CHL1: variants seen among roughly 807,000 people sequenced by gnomAD.
CHL1 encodes the protein neural cell adhesion molecule L1-like protein.
A neutral mutation model predicts 141.9 loss-of-function variants in CHL1; 96 were observed. That is an observed-to-expected ratio of 0.68 (90% CI 0.57 to 0.80). The LOEUF is 0.80. CHL1 is among the 30% of genes least tolerant of loss of function. The probability of loss-of-function intolerance (pLI) is 0.00; values close to 1 mark genes in which losing one functional copy is unlikely to be tolerated. For missense variants in CHL1, 1,820 were observed against 1,457.2 expected (o/e 1.25, Z -4.05); for synonymous variants, 613 against 502.2 (o/e 1.22, Z -2.95).
At chr3:217,787 C>G (rs974692111) in intron 1 of CHL1, 1 of 152,074 alleles carries the variant, frequency 6.6e-6, no homozygotes, top group South Asian at 2.1e-4. Context: ...CAAAGGAATT[C>G]CAACAGTTAA....
At chr3:292,328 A>T (rs776300796) in intron 2 of CHL1, among the ~76,000 whole-genome samples, 3 of 152,246 alleles carry the variant, frequency 2.0e-5, no homozygotes, top group Non-Finnish European at 2.9e-5. Flanking sequence ...TGCTGTCTGC[A>T]CATATTTAAT....
At chr3:372,589 T>C (rs1003297112) in intron 15 of CHL1, among the ~76,000 whole-genome samples, 6 of 152,134 alleles carry the variant, frequency 3.9e-5, no homozygotes, top group African/African-American at 1.4e-4. Context: ...TTATTACCCA[T>C]CCTCTGAAGC....
intron 5 of CHL1, among the ~76,000 whole-genome samples, chr3:334,120 C>A (rs1470888889): frequency 6.6e-6 from 1 of 152,150 alleles, no homozygotes; most frequent in African/African-American, 2.4e-5. Flanking sequence ...CCATGCCCAC[C>A]TATAAACATC....
intron 1 of CHL1, among the ~76,000 whole-genome samples, chr3:225,595 T>C (rs1368129582): frequency 9.7e-5 from 1 of 10,262 alleles, no homozygotes; most frequent in Admixed American, 2.1e-3. Flanking sequence ...TCAAACACAG[T>C]TCAATTACAC....
intron 3 of CHL1, among the ~76,000 whole-genome samples, chr3:320,836 A>T (rs962374640): frequency 6.6e-6 from 1 of 152,110 alleles, no homozygotes; most frequent in Non-Finnish European, 1.5e-5. Context: ...GGTTATTAAG[A>T]CATTTTTATC....
At chr3:226,398 T>A (rs1701354800) in intron 1 of CHL1, among the ~76,000 whole-genome samples, 1 of 147,038 alleles carries the variant, frequency 6.8e-6, no homozygotes, top group African/African-American at 2.5e-5. Flanking sequence ...TTATATATTA[T>A]ATAATATATA....
chr3:258,625 C>A (rs1694402868), intron 2 of CHL1, among the ~76,000 whole-genome samples: 1 of 152,200 alleles, frequency 6.6e-6, no homozygotes, highest in African/African-American at 2.4e-5. Context: ...ACTTTTCCGT[C>A]CATGAGATAA....
rs574424732 is a variant in CHL1, at chr3:293,989, T to C, written c.-94-25694T>C. Among the ~76,000 whole-genome samples, 7 of 152,032 alleles carry C rather than the reference T, an allele frequency of 4.6e-5. No individual in the cohort carries two copies. The East Asian group carries it at 5.9e-4, about 13-fold the overall frequency. ...GTTGGCCAGGTTAATCTCAAACTCC[T>C]GACTTCAGGTGACCCATCCACCTTA... On this transcript the variant is annotated intron_variant, in intron 2 of 27. Coordinates refer to ENST00000256509, the MANE Select transcript of CHL1 (RefSeq NM_006614.4).
intron 11 of CHL1, among the ~76,000 whole-genome samples, chr3:356,238 A>T (rs1703704331): frequency 6.6e-6 from 1 of 152,230 alleles, no homozygotes; most frequent in Admixed American, 6.5e-5. Flanking sequence ...ATGAATGTTC[A>T]GGTTACAAAA....
At position 382,371 on chromosome 3, in the gene CHL1, T is replaced by G. The variant is rs1292582885; in HGVS notation, c.1978+91T>G. 3.4e-6 allele frequency: 5 copies of G among 1,460,856 alleles called. No individual in the cohort carries two copies. In the African/African-American group the frequency reaches 4.2e-5, roughly 12 times the overall value. The allele number at this position is 1,460,856 out of a possible 1,614,324, so 90.5% of individuals were successfully genotyped here. ...TTTAACCACTCTTACTGGTTTATTC[T>G]TCTTATAACATCCTTTTGAACTTTT... On this transcript the variant is annotated intron_variant, in intron 17 of 27. Coordinates refer to ENST00000256509, the MANE Select transcript of CHL1 (RefSeq NM_006614.4).
intron 15 of CHL1, among the ~76,000 whole-genome samples, chr3:375,781 A>G (rs1478977904): frequency 6.6e-6 from 1 of 152,150 alleles, no homozygotes; most frequent in Non-Finnish European, 1.5e-5. Context: ...TTTTCAGATA[A>G]GATGAATTAG....
At chr3:290,083 A>G (rs1480328112) in intron 2 of CHL1, among the ~76,000 whole-genome samples, 1 of 152,058 alleles carries the variant, frequency 6.6e-6, no homozygotes, top group Non-Finnish European at 1.5e-5. Context: ...AAGGCATGTT[A>G]TAGCCTCCTT....
chr3:340,986 G>A lies in CHL1; in HGVS notation c.508+70G>A, dbSNP rs2293674. ...CTATCCATCATATCAATAACATAAT[G>A]AATCCAAAGACAAAATAAAAAATAA... On this transcript the variant is annotated intron_variant, in intron 6 of 27. Coordinates refer to ENST00000256509, the MANE Select transcript of CHL1 (RefSeq NM_006614.4). 4 of 1,444,492 alleles carry A rather than the reference G, an allele frequency of 2.8e-6. No individual in the cohort carries two copies. In the African/African-American group the frequency reaches 4.3e-5, roughly 16 times the overall value. 89.5% of individuals were successfully genotyped at this position (1,444,492 alleles called of 1,614,324 possible).
At chr3:243,097 T>C (rs1692820983) in intron 1 of CHL1, among the ~76,000 whole-genome samples, 1 of 152,196 alleles carries the variant, frequency 6.6e-6, no homozygotes, top group African/African-American at 2.4e-5. Flanking sequence ...ATGCATGACA[T>C]TCTTTATCAC....
At chr3:281,717 G>T (rs979985006) in intron 2 of CHL1, among the ~76,000 whole-genome samples, 1 of 151,974 alleles carries the variant, frequency 6.6e-6, no homozygotes, top group Admixed American at 6.6e-5. Flanking sequence ...ATGCCACCAT[G>T]ACTGGCTAAT....
At chr3:382,150 T>C (rs946948325) in intron 16 of CHL1, 29 bp from the exon 17 acceptor site, 1 of 1,576,630 alleles carries the variant, frequency 6.3e-7, no homozygotes, top group Admixed American at 1.7e-5. Context: ...AAGGCAATTA[T>C]CTACATTTTC....
At chr3:221,383 C>T (rs1303727860) in intron 1 of CHL1, among the ~76,000 whole-genome samples, 1 of 152,188 alleles carries the variant, frequency 6.6e-6, no homozygotes, top group Non-Finnish European at 1.5e-5. Flanking sequence ...CTCAGTTGTT[C>T]AAGTACTATC....
intron 2 of CHL1, among the ~76,000 whole-genome samples, chr3:310,052 G>A (rs1699623033): frequency 6.6e-6 from 1 of 152,094 alleles, no homozygotes; most frequent in African/African-American, 2.4e-5. Flanking sequence ...ACTGATCAAT[G>A]TTGATATATA....
chr3:262,831 T>C (rs936425577), intron 2 of CHL1, among the ~76,000 whole-genome samples: 3 of 152,222 alleles, frequency 2.0e-5, no homozygotes, highest in African/African-American at 7.2e-5. Context: ...TGGGAGTTCA[T>C]TCAAGCCTTC....
Sources: gnomAD v4.1 joint callset for allele counts (sites outside exome capture counted in the v4.1 genomes callset) on GRCh38, gnomAD v4.1.1 for gene constraint, MANE v1.5 for transcripts, NCBI Gene and HGNC (gene_info 2026-07-23, HGNC 2026-07-21) for gene names.